The following EAF2 variants were observed in gnomAD, a reference collection of about 807,000 sequenced individuals.
The protein encoded by EAF2 is ELL associated factor 2.
In EAF2, 29 loss-of-function variants were observed where a neutral mutation model predicts 29.4. The ratio of observed to expected loss-of-function variants is 0.99; its 90% CI spans 0.73 to 1.35. The LOEUF is 1.35. Among genes scored for constraint, EAF2 ranks in the 40% most tolerant of loss-of-function variants. The pLI, the probability that EAF2 is intolerant of heterozygous loss-of-function variation, is 0.00. For missense variants in EAF2, 292 were observed against 312.0 expected (o/e 0.94, Z 0.48); for synonymous variants, 103 against 102.5 (o/e 1.00, Z -0.03).
chr3:121,835,343 G>A lies in EAF2; in HGVS notation c.58G>A (p.Gly20Arg). Residue 20 changes from glycine (G) to arginine (R), a missense_variant, in exon 1 of 6, where the codon GGG (glycine) becomes AGG (arginine). Transcript: ENST00000273668. ...LDRRERVLKL[G>R]ESFEKQPRCA... ...CCGTCGCGAGCGGGTTCTCAAGTTA[G>A]GGGAGAGTTTCGAGAAGCAGCCGCG... The A allele has an allele frequency of 6.2e-7, 1 of 1,614,174 alleles. No individual in the cohort carries two copies. Among genetic ancestry groups the A allele is most frequent in the Non-Finnish European group, 8.5e-7 (1 of 1,180,002 alleles).
chr3:121,850,002 C>T (rs1197528707), intron 2 of EAF2, among the ~76,000 whole-genome samples: 5 of 145,338 alleles, frequency 3.4e-5, no homozygotes, highest in Admixed American at 2.1e-4. Flanking sequence ...GTGTCTCTTC[C>T]TTTTATTTAG....
chr3:121,845,837 G>A (rs1178612100), intron 2 of EAF2, among the ~76,000 whole-genome samples: 1 of 152,132 alleles, frequency 6.6e-6, no homozygotes, highest in African/African-American at 2.4e-5. Flanking sequence ...ATTTCCAGAT[G>A]TATCCAAGTA....
intron 4 of EAF2, 147 bp downstream of exon 4, chr3:121,857,303 C>T: frequency 1.7e-6 from 1 of 574,374 alleles, no homozygotes. Context: ...ACCAGCCTGG[C>T]CAACATGGTG....
intron 5 of EAF2, 41 bp from the exon 6 acceptor site, chr3:121,886,301 T>TTAA: frequency 1.5e-6 from 2 of 1,295,038 alleles, no homozygotes; most frequent in Non-Finnish European, 2.1e-6. Context: ...TAATATTAAA[T>TTAA]ATTTAATTAC....
chr3:121,872,817 A>C, intron 5 of EAF2, 29 bp downstream of exon 5: 1 of 1,585,052 alleles, frequency 6.3e-7, no homozygotes, highest in South Asian at 1.2e-5. Flanking sequence ...AGGCAATTGG[A>C]AAAGTAAGAA....
intron 1 of EAF2, among the ~76,000 whole-genome samples, chr3:121,839,160 T>C (rs1708359129): frequency 6.6e-6 from 1 of 152,262 alleles, no homozygotes; most frequent in Admixed American, 6.5e-5. Context: ...ATTGTTGTTT[T>C]ATCTTGAGTT....
rs1553725709 is a variant in EAF2, at chr3:121,840,515, A to AAC, written c.107-3937_107-3936insCA. Among the ~76,000 whole-genome samples, 256 of 97,898 alleles carry AAC rather than the reference A, an allele frequency of 2.6e-3. 2 individuals carry two copies. The highest frequency in any genetic ancestry group is 7.7e-3 in the South Asian group (22 of 2,860). The allele number at this position is 97,898 out of a possible 152,430, so 64.2% of individuals were successfully genotyped here. On this transcript the variant is annotated intron_variant, in intron 1 of 5. Coordinates refer to ENST00000273668, the MANE Select transcript of EAF2 (RefSeq NM_018456.6). ...AAAAAAAAAAAAAAAAAAAGAAAAA[A>AAC]AAAAAACGGGCCGGGTGCGGTGGCT...
rs116321029 is a variant in EAF2 at position 121,870,456 on chromosome 3, T to G, written c.485-2081T>G. Among the ~76,000 whole-genome samples, 1,002 of 152,238 alleles carry G rather than the reference T, an allele frequency of 6.6e-3. 6 individuals are homozygous for G. The highest frequency in any genetic ancestry group is 0.01 in the Non-Finnish European group (692 of 67,998). ...AAATGAATTTCAGAAATAAGTGTCT[T>G]GAAGAGAATTAAACTAAGCAATGGG... On this transcript the variant is annotated intron_variant, in intron 4 of 5. Coordinates refer to ENST00000273668, the MANE Select transcript of EAF2 (RefSeq NM_018456.6).
intron 1 of EAF2, among the ~76,000 whole-genome samples, chr3:121,839,558 A>G (rs1292166272): frequency 6.6e-6 from 1 of 152,234 alleles, no homozygotes; most frequent in African/African-American, 2.4e-5. Flanking sequence ...AATATTAATA[A>G]TGGATGCTGT....
At chr3:121,853,966 G>T (rs147598557) in intron 2 of EAF2, among the ~76,000 whole-genome samples, 1 of 152,082 alleles carries the variant, frequency 6.6e-6, no homozygotes, top group African/African-American at 2.4e-5. Flanking sequence ...GCATAGGGAG[G>T]TACTGCTTTA....
At chr3:121,839,306 T>G (rs1343959562) in intron 1 of EAF2, among the ~76,000 whole-genome samples, 2 of 152,132 alleles carry the variant, frequency 1.3e-5, no homozygotes, top group African/African-American at 2.4e-5. Flanking sequence ...AGCAGAGTTA[T>G]GAGATTGGGT....
At chr3:121,851,471 A>G (rs1050845206) in intron 2 of EAF2, among the ~76,000 whole-genome samples, 1 of 152,104 alleles carries the variant, frequency 6.6e-6, no homozygotes, top group Non-Finnish European at 1.5e-5. Flanking sequence ...ACCACACATG[A>G]CCCACTCACT....
intron 1 of EAF2, chr3:121,836,759 A>G (rs1202932808): frequency 2.0e-6 from 2 of 987,664 alleles, no homozygotes; most frequent in Non-Finnish European, 2.4e-6. Context: ...TTTTTCTCAA[A>G]TAGTATCTAC....
intron 4 of EAF2, among the ~76,000 whole-genome samples, chr3:121,859,836 G>A (rs978841264): frequency 6.6e-6 from 1 of 152,110 alleles, no homozygotes; most frequent in African/African-American, 2.4e-5. Flanking sequence ...ATTATTTTGA[G>A]ATACGTTCCA....
intron 2 of EAF2, among the ~76,000 whole-genome samples, chr3:121,845,103 A>C (rs1341727978): frequency 6.6e-6 from 1 of 152,182 alleles, no homozygotes; most frequent in African/African-American, 2.4e-5. Flanking sequence ...CGAAAGAACA[A>C]AGAGTTTGTG....
chr3:121,856,768 G>A (rs935816978), intron 3 of EAF2, among the ~76,000 whole-genome samples: 15 of 152,106 alleles, frequency 9.9e-5, no homozygotes, highest in Admixed American at 8.5e-4. Context: ...GGCATGAGGC[G>A]CCAAGCCTGG....
At chr3:121,873,102 TC>T in intron 5 of EAF2, 1 of 678,330 alleles carries the variant, frequency 1.5e-6, no homozygotes, top group Non-Finnish European at 2.6e-6. Flanking sequence ...TTCTACAATT[TC>T]TCCCTAAATA....
intron 2 of EAF2, 40 bp downstream of exon 2, chr3:121,844,587 G>A: frequency 7.7e-7 from 1 of 1,300,580 alleles, no homozygotes; most frequent in South Asian, 1.3e-5. Context: ...ACTTTTGTGG[G>A]ATTCTCAGTA....
intron 5 of EAF2, 144 bp from the exon 6 acceptor site, chr3:121,886,198 T>G: frequency 2.6e-6 from 1 of 379,572 alleles, no homozygotes; most frequent in Non-Finnish European, 4.8e-6. Context: ...GAGTTACTAA[T>G]TGTGTCACTG....
Sources: allele counts gnomAD v4.1 joint callset (sites outside exome capture counted in the v4.1 genomes callset), GRCh38; gene constraint gnomAD v4.1.1; transcripts MANE v1.5; gene names NCBI Gene and HGNC (gene_info 2026-07-23, HGNC 2026-07-21).